Variants in UGT1A8 observed in about 807,000 individuals in gnomAD.
UGT1A8 encodes UDP-glucuronosyltransferase 1A8.
In UGT1A8, 39 loss-of-function variants were observed where a neutral mutation model predicts 45.3. The ratio of observed to expected loss-of-function variants is 0.86; its 90% CI spans 0.67 to 1.12. The LOEUF (loss-of-function observed/expected upper bound fraction) is 1.12, where lower values mean the gene tolerates loss of function less well. Ranked by LOEUF, UGT1A8 falls within the 50% of genes most tolerant of loss-of-function variation. UGT1A8 has a pLI of 0.00. For synonymous variants in UGT1A8, 275 were observed against 249.2 expected, an observed-to-expected ratio of 1.10 and a Z score of -0.97; for missense variants, 719 against 664.9, an observed-to-expected ratio of 1.08 and a Z score of -0.90.
Position 233,617,979 on chromosome 2 carries a change from T to C in UGT1A8, c.272T>C (p.Met91Thr), listed in dbSNP as rs577893199. ...CTGGAGGATCTGGACCGGGAATTCA[T>C]GGATTTCGCCGATGCTCAATGGAAA... ...YTLEDLDREF[M>T]DFADAQWKAQ... Residue 91 changes from methionine to threonine, a missense_variant, in exon 1 of 5, where the codon ATG becomes ACG. Transcript: ENST00000373450. The C allele has an allele frequency of 1.2e-6, 2 of 1,614,102 alleles. No homozygotes were observed. The highest frequency in any genetic ancestry group is 2.7e-5 in the African/African-American group (2 of 74,944).
chr2:233,743,499 G>A (rs1692319680), intron 1 of UGT1A8: 1 of 1,367,148 alleles, frequency 7.3e-7, no homozygotes, highest in African/African-American at 1.5e-5. Context: ...CAGAGAAAAG[G>A]GGTGCAGACG....
intron 1 of UGT1A8, among the ~76,000 whole-genome samples, chr2:233,761,510 A>C (rs1161669580): frequency 6.6e-6 from 1 of 152,248 alleles, no homozygotes. Flanking sequence ...TCAGTCAGGC[A>C]GGCAATGTTC....
intron 1 of UGT1A8, chr2:233,693,250 T>A (rs139492272): frequency 1.9e-6 from 3 of 1,614,198 alleles, no homozygotes; most frequent in Non-Finnish European, 2.5e-6. Context: ...CAGTGCCGTA[T>A]GACCAAGAAG....
In UGT1A8 at chr2:233,618,073, G is replaced by A. The variant is rs28969669; in HGVS notation, c.366G>A (p.Ser122=). The A allele has an allele frequency of 2.4e-5, 38 of 1,613,510 alleles. No individual in the cohort carries two copies. The highest frequency in any genetic ancestry group is 5.3e-5 in the African/African-American group (4 of 74,844). Residue 122 remains serine (S), a synonymous_variant, in exon 1 of 5, where the codon TCG becomes TCA. Coordinates refer to ENST00000373450, the MANE Select transcript of UGT1A8 (RefSeq NM_019076.5). ...ATGGTTTTTTTAACTTATTTTTTTC[G>A]CATTGCAGGAGTTTGTTTAATGACC... The part of the protein sequence containing the change: ...SSNGFFNLFF[S]HCRSLFNDRK...
At chr2:233,717,723 G>T in intron 1 of UGT1A8, 1 of 455,670 alleles carries the variant, frequency 2.2e-6, no homozygotes. Context: ...ATGGGCATGA[G>T]ACCATTGTGA....
chr2:233,700,685 T>C lies in UGT1A8; in HGVS notation c.856-66349T>C, dbSNP rs1275068404. On this transcript the variant is annotated intron_variant, in intron 1 of 4. Coordinates refer to ENST00000373450, the MANE Select transcript of UGT1A8 (RefSeq NM_019076.5). ...TTTTCAGCACAAATTCGTGATAATA[T>C]ATAAACTACACTTTGAATGTTTTTT... Among the ~76,000 whole-genome samples, 59 of 152,174 alleles carry C rather than the reference T, an allele frequency of 3.9e-4. 3 individuals are homozygous for C. Among genetic ancestry groups the C allele is most frequent in the Admixed American group, 3.9e-3 (59 of 15,284 alleles).
intron 1 of UGT1A8, chr2:233,648,341 G>T: frequency 2.2e-6 from 1 of 449,432 alleles, no homozygotes. Context: ...GTCTTCGCCA[G>T]AGGAATACTT....
intron 1 of UGT1A8, among the ~76,000 whole-genome samples, chr2:233,644,002 T>C (rs2073531768): frequency 6.6e-6 from 1 of 152,160 alleles, no homozygotes; most frequent in Non-Finnish European, 1.5e-5. Context: ...CCGCAAGCTG[T>C]GCATCCTGGG....
intron 1 of UGT1A8, chr2:233,691,759 G>A: frequency 2.1e-6 from 1 of 478,956 alleles, no homozygotes; most frequent in South Asian, 8.9e-5. Flanking sequence ...TCTGACTCCT[G>A]CTCTAGGATT....
At chr2:233,690,433 G>A (rs2125544985) in intron 1 of UGT1A8, 2 of 1,264,100 alleles carry the variant, frequency 1.6e-6, no homozygotes, top group South Asian at 2.5e-5. Context: ...CACATCTTTG[G>A]GTCTCTCCTC....
Position 233,772,347 on chromosome 2 carries a change from T to A in UGT1A8, c.1381T>A (p.Phe461Ile), listed in dbSNP as rs1700509286. 9.9e-6 allele frequency: 16 copies of A among 1,614,210 alleles called. No individual in the cohort carries two copies. The highest frequency in any genetic ancestry group is 1.4e-5 in the Non-Finnish European group (16 of 1,180,042). ...GGACCTGGCCGTGTTCTGGGTGGAG[T>A]TTGTGATGAGGCACAAGGGCGCGCC... is the stretch of plus-strand genomic sequence containing the variant. ...PLDLAVFWVE[F>I]VMRHKGAPHL... The change falls in exon 5 of 5, where the codon TTT becomes ATT. Residue 461 changes from phenylalanine (F) to isoleucine (I), a missense_variant. Coordinates refer to ENST00000373450, the MANE Select transcript of UGT1A8 (RefSeq NM_019076.5).
chr2:233,647,785 A>C, intron 1 of UGT1A8: 1 of 575,166 alleles, frequency 1.7e-6, no homozygotes, highest in Non-Finnish European at 2.8e-6. Flanking sequence ...TTTCCTAATC[A>C]GTCTGGGTAG....
At chr2:233,762,623 C>A (rs1698115974) in intron 1 of UGT1A8, among the ~76,000 whole-genome samples, 1 of 152,126 alleles carries the variant, frequency 6.6e-6, no homozygotes, top group Non-Finnish European at 1.5e-5. Flanking sequence ...GTTGTGACCT[C>A]AAACACTTCC....
At chr2:233,727,495 T>C (rs1362893443) in intron 1 of UGT1A8, among the ~76,000 whole-genome samples, 1 of 152,152 alleles carries the variant, frequency 6.6e-6, no homozygotes, top group African/African-American at 2.4e-5. Flanking sequence ...AGGTAGAACA[T>C]GGGAGCCCAT....
intron 1 of UGT1A8, among the ~76,000 whole-genome samples, chr2:233,661,635 CTTTCT>C (rs1553602641): frequency 1.2e-5 from 1 of 82,722 alleles, no homozygotes; most frequent in African/African-American, 3.1e-5. Flanking sequence ...TTCTTTCTTT[CTTTCT>C]TTCTTTCTTT....
intron 1 of UGT1A8, among the ~76,000 whole-genome samples, chr2:233,699,813 T>C (rs1466626716): frequency 1.3e-5 from 2 of 152,226 alleles, no homozygotes; most frequent in African/African-American, 4.8e-5. Flanking sequence ...GTCATCTAAA[T>C]AGTAGTTCTC....
At chr2:233,657,458 A>G (rs2073880315) in intron 1 of UGT1A8, among the ~76,000 whole-genome samples, 1 of 152,222 alleles carries the variant, frequency 6.6e-6, no homozygotes, top group Non-Finnish European at 1.5e-5. Context: ...AGCAAGAGAA[A>G]AAGGAGGGGT....
chr2:233,760,323 C>G (rs760176104), intron 1 of UGT1A8: 27 of 1,613,844 alleles, frequency 1.7e-5, no homozygotes, highest in Non-Finnish European at 2.3e-5. Flanking sequence ...GCCCACTTGT[C>G]CTGGGCCTGC....
At chr2:233,639,870 T>C (rs1331426765) in intron 1 of UGT1A8, among the ~76,000 whole-genome samples, 2 of 152,248 alleles carry the variant, frequency 1.3e-5, no homozygotes, top group African/African-American at 4.8e-5. Flanking sequence ...TGATTAGTGA[T>C]GTGTAAATAA....
Sources: gnomAD v4.1 joint callset for allele counts (sites outside exome capture counted in the v4.1 genomes callset) on GRCh38, gnomAD v4.1.1 for gene constraint, MANE v1.5 for transcripts, NCBI Gene and HGNC (gene_info 2026-07-23, HGNC 2026-07-21) for gene names.